Variants in ANKRD44 observed in about 807,000 individuals in gnomAD.
The protein encoded by ANKRD44 is ankyrin repeat domain 44.
In ANKRD44, 35 loss-of-function variants were observed where a neutral mutation model predicts 116.0. That is an observed-to-expected ratio of 0.30 (90% CI 0.23 to 0.40). ANKRD44 has a LOEUF of 0.40. ANKRD44 is among the 10% of genes least tolerant of loss of function. The pLI is 1.00. For missense variants in ANKRD44, 1,014 were observed against 1,242.6 expected (o/e 0.82, Z 2.77); for synonymous variants, 435 against 461.8 (o/e 0.94, Z 0.74).
intron 10 of ANKRD44, among the ~76,000 whole-genome samples, chr2:197,099,198 C>T (rs2078233366): frequency 6.6e-6 from 1 of 152,176 alleles, no homozygotes; most frequent in Non-Finnish European, 1.5e-5. Context: ...AAACATTTGC[C>T]ACTTAAGTCT....
intron 21 of ANKRD44, among the ~76,000 whole-genome samples, chr2:196,975,825 GAAA>G (rs2075756295): frequency 7.0e-6 from 1 of 143,176 alleles, no homozygotes; most frequent in East Asian, 2.0e-4. Context: ...AAGAAAGAAA[GAAA>G]GAAAGAAAGA....
Position 197,191,360 on chromosome 2 carries a change from G to T in ANKRD44, c.28-4254C>A, listed in dbSNP as rs188469181. ...AATGTCTGCCAAGCTGATGACACTT[G>T]ACCCCTCTAAGATAGAAATGGGGAA... On this transcript the variant is annotated intron_variant, in intron 1 of 27. Coordinates refer to ENST00000282272, the MANE Select transcript of ANKRD44 (RefSeq NM_001195144.2). Among the ~76,000 whole-genome samples, 217 of 152,260 alleles carry T rather than the reference G, an allele frequency of 1.4e-3. 1 individual carries two copies. The highest frequency in any genetic ancestry group is 4.9e-3 in the African/African-American group (204 of 41,544).
chr2:197,303,960 C>T (rs1226480947), intron 1 of ANKRD44, among the ~76,000 whole-genome samples: 1 of 152,134 alleles, frequency 6.6e-6, no homozygotes, highest in African/African-American at 2.4e-5. Context: ...TGAAAGCAGC[C>T]AAAGCCAAAT....
chr2:197,096,297 T>G (rs926160927), intron 10 of ANKRD44, among the ~76,000 whole-genome samples: 4 of 152,142 alleles, frequency 2.6e-5, no homozygotes, highest in African/African-American at 9.7e-5. Context: ...CAACCAATAT[T>G]TAATGAATGA....
chr2:197,209,640 G>A (rs2125691131), intron 1 of ANKRD44, among the ~76,000 whole-genome samples: 1 of 152,286 alleles, frequency 6.6e-6, no homozygotes, highest in South Asian at 2.1e-4. Flanking sequence ...TGATCCACCA[G>A]TTATGTCATC....
chr2:197,240,227 G>A (rs547326240), intron 1 of ANKRD44, among the ~76,000 whole-genome samples: 1 of 151,842 alleles, frequency 6.6e-6, no homozygotes. Flanking sequence ...ATACGAAAAT[G>A]AGCTGGGCGT....
At chr2:197,103,023 A>T (rs559487040) in intron 9 of ANKRD44, among the ~76,000 whole-genome samples, 2 of 152,012 alleles carry the variant, frequency 1.3e-5, no homozygotes, top group East Asian at 3.9e-4. Context: ...AGGTCAGGAG[A>T]TCAAGACCAT....
chr2:197,259,931 A>G (rs1465667328), intron 1 of ANKRD44, among the ~76,000 whole-genome samples: 1 of 152,190 alleles, frequency 6.6e-6, no homozygotes, highest in East Asian at 1.9e-4. Context: ...GGGGGAAAAA[A>G]AAAGAAAGAA....
At chr2:197,125,239 A>G in intron 6 of ANKRD44, 142 bp downstream of exon 6, 1 of 747,212 alleles carries the variant, frequency 1.3e-6, no homozygotes, top group Non-Finnish European at 2.3e-6. Flanking sequence ...GCATGCCAGT[A>G]AAACCAACCA....
intron 2 of ANKRD44, among the ~76,000 whole-genome samples, chr2:197,160,003 T>A (rs906264092): frequency 1.3e-5 from 2 of 152,112 alleles, no homozygotes; most frequent in African/African-American, 4.8e-5. Context: ...CAAATCTTCC[T>A]TTCTTATCTA....
At chr2:197,309,968 C>G (rs2084194948) in intron 1 of ANKRD44, among the ~76,000 whole-genome samples, 2 of 152,316 alleles carry the variant, frequency 1.3e-5, no homozygotes, top group Non-Finnish European at 2.9e-5. Context: ...AGGCTCCGAG[C>G]CGACTTCACC....
chr2:197,029,871 A>G, intron 16 of ANKRD44: 1 of 242,674 alleles, frequency 4.1e-6, no homozygotes, highest in Non-Finnish European at 8.4e-6. Context: ...CAATACAATG[A>G]CCTTTAGACA....
intron 1 of ANKRD44, among the ~76,000 whole-genome samples, chr2:197,197,742 T>G (rs1419317949): frequency 1.5e-5 from 2 of 137,552 alleles, no homozygotes; most frequent in Non-Finnish European, 3.0e-5. Flanking sequence ...CCCAGGAAAT[T>G]GAGGCTGCAG....
chr2:197,152,087 T>C (rs1460451332), intron 2 of ANKRD44, among the ~76,000 whole-genome samples: 1 of 152,246 alleles, frequency 6.6e-6, no homozygotes, highest in Admixed American at 6.5e-5. Flanking sequence ...GCCTAGCCTC[T>C]ATCTTACAGG....
intron 2 of ANKRD44, among the ~76,000 whole-genome samples, chr2:197,159,502 A>G (rs574486328): frequency 6.6e-6 from 1 of 152,360 alleles, no homozygotes; most frequent in African/African-American, 2.4e-5. Context: ...AAAAAAATAC[A>G]GGTCTGCTCT....
chr2:197,210,146 A>G (rs1249200407), intron 1 of ANKRD44, among the ~76,000 whole-genome samples: 1 of 152,164 alleles, frequency 6.6e-6, no homozygotes, highest in Non-Finnish European at 1.5e-5. Flanking sequence ...TTGACTCCTA[A>G]AAAAAGAACA....
chr2:197,015,737 G>A, intron 17 of ANKRD44: 2 of 540,662 alleles, frequency 3.7e-6, no homozygotes, highest in South Asian at 3.9e-5. Context: ...GGTTCTAGTG[G>A]TAGAGGGGGC....
At chr2:197,143,427 A>T (rs1162335050) in intron 3 of ANKRD44, among the ~76,000 whole-genome samples, 1 of 132,004 alleles carries the variant, frequency 7.6e-6, no homozygotes, top group African/African-American at 2.9e-5. Context: ...TTCAATTCCC[A>T]CCTATGAGTC....
At chr2:197,099,574 T>G in intron 10 of ANKRD44, 1 of 1,202,808 alleles carries the variant, frequency 8.3e-7, no homozygotes, top group East Asian at 4.0e-5. Context: ...AAAGTTCAAG[T>G]TTCCTTAATT....
Sources: gnomAD v4.1 joint callset for allele counts (sites outside exome capture counted in the v4.1 genomes callset) on GRCh38, gnomAD v4.1.1 for gene constraint, MANE v1.5 for transcripts, NCBI Gene and HGNC (gene_info 2026-07-23, HGNC 2026-07-21) for gene names.